PHC3: variants seen among roughly 807,000 people sequenced by gnomAD.
PHC3 encodes polyhomeotic-like protein 3.
Under a neutral mutation model 107.4 loss-of-function variants are expected in PHC3, and 13 were observed. The observed-to-expected ratio is 0.12, with a 90% CI of 0.08 to 0.19. The LOEUF is 0.19. PHC3 is among the 10% of genes least tolerant of loss of function. PHC3 has a pLI of 1.00. For missense variants in PHC3, 992 were observed against 1,210.9 expected, an observed-to-expected ratio of 0.82 and a Z score of 2.68; for synonymous variants, 456 against 427.4, an observed-to-expected ratio of 1.07 and a Z score of -0.83.
At chr3:170,126,027 T>C in intron 8 of PHC3, 1 of 918,934 alleles carries the variant, frequency 1.1e-6, no homozygotes, top group Non-Finnish European at 1.3e-6. Flanking sequence ...ATTTGTTTAT[T>C]AGTTCTAAAT....
chr3:170,130,619 C>T (rs1722093336), intron 7 of PHC3, among the ~76,000 whole-genome samples: 2 of 152,124 alleles, frequency 1.3e-5, no homozygotes, highest in South Asian at 2.1e-4. Context: ...TAACCCTTTT[C>T]CCTCACCAAA....
intron 4 of PHC3, among the ~76,000 whole-genome samples, chr3:170,167,070 CCAA>C (rs1728850682): frequency 6.6e-6 from 1 of 152,278 alleles, no homozygotes; most frequent in African/African-American, 2.4e-5. Context: ...CACATTCTTG[CCAA>C]CAACAGGTAT....
At chr3:170,127,301 G>T (rs1721481095) in intron 8 of PHC3, among the ~76,000 whole-genome samples, 3 of 152,136 alleles carry the variant, frequency 2.0e-5, no homozygotes, top group African/African-American at 7.2e-5. Context: ...CGAGTAGCTG[G>T]GATTACAGGC....
intron 1 of PHC3, among the ~76,000 whole-genome samples, chr3:170,180,148 CAAA>C (rs1220290778): frequency 2.4e-5 from 2 of 82,882 alleles, no homozygotes; most frequent in African/African-American, 8.3e-5. Context: ...AAAAACCGAA[CAAA>C]AAAAAAAAAA....
rs1455763931 is a variant in PHC3 at position 170,087,716 on chromosome 3, A to ATGTT, written c.*9510_*9513dup. ...CTTCCATCCAGACCCACATGAAGCA[A>ATGTT]TGTTACAACAATATTCTATATGAAA... On this transcript the variant is annotated 3_prime_UTR_variant, in exon 15 of 15. Coordinates refer to ENST00000495893, the MANE Select transcript of PHC3 (RefSeq NM_024947.4). The ATGTT allele has an allele frequency of 2.0e-5, 3 of 152,196 alleles. No homozygotes were observed. The highest frequency in any genetic ancestry group is 4.4e-5 in the Non-Finnish European group (3 of 67,996). 9.4% of individuals were successfully genotyped at this position (152,196 alleles called of 1,614,324 possible).
In PHC3 at chr3:170,117,350, C is replaced by G. The variant is rs1719220008; in HGVS notation, c.2069G>C (p.Ser690Thr). Residue 690 changes from serine to threonine, a missense_variant, in exon 10 of 15, where the codon AGT becomes ACT. Ser to Thr is a moderately conservative substitution (Grantham distance 58). Around this residue, in one of 6 missense-constraint regions of PHC3, gnomAD observed 543 missense variants for 590.8 expected, o/e 0.92. Coordinates refer to ENST00000495893, the MANE Select transcript of PHC3 (RefSeq NM_024947.4). ...LLPAATTRSN[S>T]TSMHSSIPSI... ...GGGAATGCTACTGTGCATAGATGTA[C>G]TGTTACTCCTTGTGGTGGCAGCTGG... The G allele has an allele frequency of 6.2e-7, 1 of 1,613,886 alleles. No homozygotes were observed.
At chr3:170,141,124 G>C (rs1439837491) in intron 6 of PHC3, among the ~76,000 whole-genome samples, 2 of 151,994 alleles carry the variant, frequency 1.3e-5, no homozygotes, top group Non-Finnish European at 2.9e-5. Flanking sequence ...CTTCAGATTT[G>C]GTATTTCACA....
At position 170,128,899 on chromosome 3, in the gene PHC3, T is replaced by C; in HGVS notation, c.1573A>G (p.Ile525Val). The C allele has an allele frequency of 5.0e-6, 8 of 1,614,024 alleles. No homozygotes were observed. The Middle Eastern group carries it at 8.2e-4, about 166-fold the overall frequency. ...PQMSTSPPAQ[I>V]PPLPLQSMQS... ...ATAGACTGCAAGGGCAGTGGTGGAA[T>C]CTGAGCTGGAGGAGATGTCGACATC... Residue 525 changes from isoleucine (I) to valine (V), a missense_variant, in exon 8 of 15, where the codon ATT (isoleucine) becomes GTT (valine). Around this residue, in one of 6 missense-constraint regions of PHC3, gnomAD observed 543 missense variants for 590.8 expected, o/e 0.92. Coordinates refer to ENST00000495893, the MANE Select transcript of PHC3 (RefSeq NM_024947.4).
Position 170,149,127 on chromosome 3 carries a change from G to C in PHC3, c.532C>G (p.Leu178Val). ...TACATTTGAGCTTGGCTTGCCGTTA[G>C]GGTAGGGGAAGTACTCCCTAGTAAC... is the stretch of plus-strand genomic sequence containing the variant. ...TMLLGSTSPT[L>V]TASQAQMYLR... The change falls in exon 5 of 15, where the codon CTA becomes GTA. Residue 178 changes from leucine (L) to valine (V), a missense_variant. By Grantham distance (32) the Leu-to-Val change is conservative. Transcript: ENST00000495893. 1.9e-6 allele frequency: 3 copies of C among 1,613,276 alleles called. No individual in the cohort carries two copies. The highest frequency in any genetic ancestry group is 2.5e-6 in the Non-Finnish European group (3 of 1,179,752).
chr3:170,128,543 G>C, intron 8 of PHC3, 141 bp downstream of exon 8: 5 of 1,182,828 alleles, frequency 4.2e-6, no homozygotes, highest in Non-Finnish European at 5.7e-6. Context: ...CATACAGCAT[G>C]TTTGTCAGAA....
chr3:170,181,015 C>T (rs1731305813), intron 1 of PHC3, among the ~76,000 whole-genome samples: 1 of 152,236 alleles, frequency 6.6e-6, no homozygotes, highest in Non-Finnish European at 1.5e-5. Context: ...ACAGTAAGTT[C>T]TGGAGTCGTT....
chr3:170,178,570 G>A (rs548433515), intron 2 of PHC3, among the ~76,000 whole-genome samples: 1 of 152,338 alleles, frequency 6.6e-6, no homozygotes, highest in African/African-American at 2.4e-5. Context: ...TTCCAGAAAT[G>A]TAAGAAATAA....
intron 5 of PHC3, chr3:170,147,864 T>C (rs899179731): frequency 6.6e-6 from 1 of 152,232 alleles, no homozygotes; most frequent in Admixed American, 6.5e-5. Flanking sequence ...CGTATGAAAC[T>C]GCTAATTTTA....
intron 9 of PHC3, among the ~76,000 whole-genome samples, chr3:170,118,571 C>T (rs867828358): frequency 5.3e-5 from 8 of 152,100 alleles, no homozygotes; most frequent in Admixed American, 3.3e-4. Flanking sequence ...ACCACCATGC[C>T]TGGATAATTT....
intron 12 of PHC3, among the ~76,000 whole-genome samples, chr3:170,103,233 G>A (rs1051226168): frequency 2.0e-5 from 3 of 152,010 alleles, no homozygotes; most frequent in African/African-American, 7.2e-5. Context: ...AAATACAGAG[G>A]ATAACCAATT....
chr3:170,178,698 T>C (rs1730909567), intron 2 of PHC3, 75 bp downstream of exon 2: 3 of 1,463,582 alleles, frequency 2.0e-6, no homozygotes, highest in Non-Finnish European at 2.9e-6. Flanking sequence ...TATGAAACAA[T>C]ACATAAATCC....
chr3:170,115,875 T>TCACACACACACACACACACA lies in PHC3; in HGVS notation c.2193+1350_2193+1351insTGTGTGTGTGTGTGTGTGTG, dbSNP rs1238887514. ...AGAATTGTTATAGGAAATCCAAGTTTCTCACACACACACACACACACACAC... is the reference window on the plus strand; with the variant it reads ...AGAATTGTTATAGGAAATCCAAGTTTCACACACACACACACACACACTCACACACACACACACACACACAC... On this transcript the variant is annotated intron_variant, in intron 10 of 14. Coordinates refer to ENST00000495893, the MANE Select transcript of PHC3 (RefSeq NM_024947.4). 6.8e-5 allele frequency among the ~76,000 whole-genome samples: 6 copies of TCACACACACACACACACACA among 88,586 alleles called. No individual in the cohort carries two copies. The East Asian group carries it at 2.0e-3, about 30-fold the overall frequency. The allele number at this position is 88,586 out of a possible 152,430, so 58.1% of individuals were successfully genotyped here. A position where few individuals can be genotyped will look rare whatever the true frequency, so the allele number is the denominator to read the frequency against.
At chr3:170,110,418 C>T (rs1191379772) in intron 11 of PHC3, among the ~76,000 whole-genome samples, 2 of 152,140 alleles carry the variant, frequency 1.3e-5, no homozygotes, top group East Asian at 1.9e-4. Context: ...ATTCTTAGTG[C>T]GTTTACTTAG....
Position 170,119,036 on chromosome 3 carries a change from T to TAAA in PHC3, c.1943-1563_1943-1561dup, listed in dbSNP as rs1002478959. Among the ~76,000 whole-genome samples the TAAA allele has an allele frequency of 4.9e-3, 354 of 72,624 alleles. 4 individuals carry two copies. In the East Asian group the frequency reaches 0.1, roughly 21 times the overall value. 47.6% of individuals were successfully genotyped at this position (72,624 alleles called of 152,430 possible). A position where few individuals can be genotyped will look rare whatever the true frequency, so the allele number is the denominator to read the frequency against. On this transcript the variant is annotated intron_variant, in intron 9 of 14. Coordinates refer to ENST00000495893, the MANE Select transcript of PHC3 (RefSeq NM_024947.4). ...CAAAGTCACACAATCTATAAAAAGC[T>TAAA]AAAAAAAAAAAAAAAAAAAGAAAAA...
Sources: allele counts gnomAD v4.1 joint callset (sites outside exome capture counted in the v4.1 genomes callset), GRCh38; gene constraint gnomAD v4.1.1; regional missense constraint gnomAD v4.1.1; transcripts MANE v1.5; gene names NCBI Gene and HGNC (gene_info 2026-07-23, HGNC 2026-07-21).